Variants in SLC5A1 observed in about 807,000 individuals in gnomAD.
The protein encoded by SLC5A1 is solute carrier family 5 member 1.
A neutral mutation model predicts 73.5 loss-of-function variants in SLC5A1; 42 were observed. That is an observed-to-expected ratio of 0.57 (90% CI 0.45 to 0.74). The LOEUF is 0.74. SLC5A1 is among the 30% of genes least tolerant of loss of function. The pLI is 0.00. For missense variants in SLC5A1, 634 were observed against 855.4 expected (o/e 0.74, Z 3.23); for synonymous variants, 300 against 317.4 (o/e 0.95, Z 0.58).
intron 5 of SLC5A1, among the ~76,000 whole-genome samples, chr22:32,073,862 G>A (rs535401988): frequency 1.7e-4 from 26 of 152,178 alleles, no homozygotes; most frequent in East Asian, 7.7e-4. Flanking sequence ...CCCGGCCCCC[G>A]GGTTGGTTTT....
chr22:32,090,100 CA>C (rs11365344), intron 10 of SLC5A1, among the ~76,000 whole-genome samples: 48,158 of 105,484 alleles, frequency 0.46, 9,370 homozygotes, highest in African/African-American at 0.68. Context: ...CCTTGTCTTT[CA>C]AAAAAAAAAA....
intron 14 of SLC5A1, among the ~76,000 whole-genome samples, chr22:32,109,349 A>G (rs1437212259): frequency 6.6e-6 from 1 of 152,124 alleles, no homozygotes; most frequent in African/African-American, 2.4e-5. Flanking sequence ...CAGAGGAGGG[A>G]ATCAGTTCCC....
intron 5 of SLC5A1, 66 bp from the exon 6 acceptor site, chr22:32,081,800 G>A: frequency 1.1e-6 from 1 of 944,508 alleles, no homozygotes; most frequent in Non-Finnish European, 1.8e-6. Flanking sequence ...CAGGAGTAGA[G>A]AGACTACAGG....
At chr22:32,107,628 C>G (rs1195454137) in intron 14 of SLC5A1, among the ~76,000 whole-genome samples, 1 of 152,100 alleles carries the variant, frequency 6.6e-6, no homozygotes, top group East Asian at 1.9e-4. Context: ...TTGGTCTGGA[C>G]AGGGATGAGC....
chr22:32,102,226 C>T lies in SLC5A1; in HGVS notation c.1654C>T (p.Pro552Ser), dbSNP rs1437158620. 6.2e-7 allele frequency: 1 copy of T among 1,612,344 alleles called. No homozygotes were observed. The highest frequency in any genetic ancestry group is 1.1e-5 in the South Asian group (1 of 91,052). The part of the protein sequence containing the change: ...VVISLLTKPI[P>S]DVHLYRLCWS... ...CATCTCCCTCCTCACCAAACCCATT[C>T]CGGATGTGCATGTGAGTATCCATTT... Residue 552 changes from proline to serine, a missense_variant, in exon 13 of 15, where the codon CCG becomes TCG. Pro to Ser is a moderately conservative substitution (Grantham distance 74). Coordinates refer to ENST00000266088, the MANE Select transcript of SLC5A1 (RefSeq NM_000343.4).
chr22:32,068,810 A>G (rs1189756567), intron 5 of SLC5A1, among the ~76,000 whole-genome samples: 1 of 152,070 alleles, frequency 6.6e-6, no homozygotes, highest in Non-Finnish European at 1.5e-5. Context: ...CAGGCTGAAA[A>G]CACAAACAGG....
At chr22:32,088,419 C>T (rs1222794958) in intron 10 of SLC5A1, among the ~76,000 whole-genome samples, 2 of 151,414 alleles carry the variant, frequency 1.3e-5, no homozygotes, top group African/African-American at 4.9e-5. Context: ...TCACTGCAAC[C>T]TCCACCTCCC....
intron 1 of SLC5A1, among the ~76,000 whole-genome samples, chr22:32,045,363 T>C (rs2093935836): frequency 6.6e-6 from 1 of 152,268 alleles, no homozygotes; most frequent in Non-Finnish European, 1.5e-5. Flanking sequence ...TGCTACTTAA[T>C]AGCCTGTTTA....
At chr22:32,066,873 A>AC in intron 2 of SLC5A1, 62 bp from the exon 3 acceptor site, 3 of 1,146,684 alleles carry the variant, frequency 2.6e-6, no homozygotes, top group Middle Eastern at 3.9e-4. Context: ...TCTCTCTTTG[A>AC]CCCACTCTGA....
At chr22:32,088,309 A>G (rs1300208253) in intron 10 of SLC5A1, among the ~76,000 whole-genome samples, 1 of 151,512 alleles carries the variant, frequency 6.6e-6, no homozygotes, top group Non-Finnish European at 1.5e-5. Flanking sequence ...TCTTGGCTGT[A>G]ATCTGGCTTC....
chr22:32,069,756 G>C (rs2149488559), intron 5 of SLC5A1, among the ~76,000 whole-genome samples: 1 of 152,218 alleles, frequency 6.6e-6, no homozygotes, highest in South Asian at 2.1e-4. Context: ...GCCCTGCCAG[G>C]GTAAAATCTG....
At chr22:32,091,026 G>A (rs1336852974) in intron 10 of SLC5A1, among the ~76,000 whole-genome samples, 1 of 152,002 alleles carries the variant, frequency 6.6e-6, no homozygotes, top group East Asian at 1.9e-4. Context: ...TTGGCTATTT[G>A]TATGGCTTTG....
chr22:32,081,786 A>G lies in SLC5A1; in HGVS notation c.478-80A>G. 3 of 858,432 alleles carry G rather than the reference A, an allele frequency of 3.5e-6. No individual in the cohort carries two copies. The South Asian group carries it at 3.9e-5, about 11-fold the overall frequency. 53.2% of individuals were successfully genotyped at this position (858,432 alleles called of 1,614,324 possible). On this transcript the variant is annotated intron_variant, in intron 5 of 14. Transcript: ENST00000266088. ...TCATCTTGAATAAAGCTTGCTTGGA[A>G]AATCAGGAGTAGAGAGACTACAGGC...
chr22:32,058,742 C>T (rs1350471566), intron 2 of SLC5A1, among the ~76,000 whole-genome samples: 1 of 152,068 alleles, frequency 6.6e-6, no homozygotes, highest in Non-Finnish European at 1.5e-5. Flanking sequence ...GGTCAGTTCC[C>T]CTTATGGTCT....
intron 1 of SLC5A1, among the ~76,000 whole-genome samples, chr22:32,047,821 T>A (rs2093939110): frequency 6.6e-6 from 1 of 152,130 alleles, no homozygotes; most frequent in African/African-American, 2.4e-5. Context: ...TTTGGAATAG[T>A]GATTTGGAAT....
At chr22:32,098,955 G>A (rs993650304) in intron 11 of SLC5A1, among the ~76,000 whole-genome samples, 10 of 150,996 alleles carry the variant, frequency 6.6e-5, no homozygotes, top group African/African-American at 1.7e-4. Flanking sequence ...GCGTGGTGGC[G>A]GGCGCCTGTA....
intron 10 of SLC5A1, among the ~76,000 whole-genome samples, chr22:32,090,245 TTG>T (rs1455228073): frequency 6.6e-6 from 1 of 152,156 alleles, no homozygotes; most frequent in Non-Finnish European, 1.5e-5. Flanking sequence ...TTTAGAAAAT[TTG>T]TGTCATGCCA....
intron 14 of SLC5A1, among the ~76,000 whole-genome samples, chr22:32,105,440 T>G (rs761046412): frequency 2.6e-5 from 4 of 151,988 alleles, no homozygotes; most frequent in Non-Finnish European, 5.9e-5. Context: ...AATACAGGCA[T>G]GCACCACCAC....
rs371771976 is a variant in SLC5A1 at position 32,098,911 on chromosome 22, C to T, written c.1281-272C>T. On this transcript the variant is annotated intron_variant, in intron 11 of 14. Transcript: ENST00000266088. ...ACCATCCTGGCTAACATGGTGAAACCGTCTCTACTAAAAAAATACAAAAAA... is the reference window on the plus strand; with the variant it reads ...ACCATCCTGGCTAACATGGTGAAACTGTCTCTACTAAAAAAATACAAAAAA... 2.2e-4 allele frequency among the ~76,000 whole-genome samples: 34 copies of T among 151,178 alleles called. 1 individual carries two copies. The South Asian group carries it at 6.7e-3, about 30-fold the overall frequency.
Sources: allele counts gnomAD v4.1 joint callset (sites outside exome capture counted in the v4.1 genomes callset), GRCh38; gene constraint gnomAD v4.1.1; transcripts MANE v1.5; gene names NCBI Gene and HGNC (gene_info 2026-07-23, HGNC 2026-07-21).